Variants in CNTN4 observed in about 807,000 individuals in gnomAD.
The protein encoded by CNTN4 is contactin-4.
A neutral mutation model predicts 122.5 loss-of-function variants in CNTN4; 77 were observed. The observed-to-expected ratio is 0.63, with a 90% CI of 0.52 to 0.76. The LOEUF (loss-of-function observed/expected upper bound fraction) is 0.76, where lower values mean the gene tolerates loss of function less well. CNTN4 is among the 30% of genes least tolerant of loss of function. CNTN4 has a pLI of 0.00. For synonymous variants in CNTN4, 512 were observed against 447.0 expected (o/e 1.15, Z -1.83); for missense variants, 1,256 against 1,259.1 (o/e 1.00, Z 0.04).
intron 6 of CNTN4, among the ~76,000 whole-genome samples, chr3:2,804,151 T>C (rs1216354332): frequency 6.7e-6 from 1 of 150,344 alleles, no homozygotes; most frequent in Non-Finnish European, 1.5e-5. Context: ...TAATCAGCAG[T>C]GGGGGTATAG....
At chr3:2,442,823 T>G (rs2151295419) in intron 3 of CNTN4, among the ~76,000 whole-genome samples, 1 of 152,304 alleles carries the variant, frequency 6.6e-6, no homozygotes, top group South Asian at 2.1e-4. Flanking sequence ...TTTGAAATGG[T>G]TAATGAGAGT....
intron 13 of CNTN4, among the ~76,000 whole-genome samples, chr3:2,938,917 A>T (rs2094588545): frequency 6.6e-6 from 1 of 152,200 alleles, no homozygotes; most frequent in Non-Finnish European, 1.5e-5. Flanking sequence ...ATTAAGAGCA[A>T]TTAGAACTGA....
At chr3:3,033,748 T>G (rs1699375956) in intron 16 of CNTN4, among the ~76,000 whole-genome samples, 1 of 152,204 alleles carries the variant, frequency 6.6e-6, no homozygotes, top group South Asian at 2.1e-4. Context: ...GTGGGATAGC[T>G]GCGGGTCTTT....
intron 14 of CNTN4, among the ~76,000 whole-genome samples, chr3:3,007,442 C>G (rs1350735826): frequency 6.6e-6 from 1 of 152,192 alleles, no homozygotes; most frequent in East Asian, 1.9e-4. Flanking sequence ...AGATGTATAT[C>G]AGATCATTTT....
At chr3:3,009,486 T>G (rs140385591) in intron 14 of CNTN4, among the ~76,000 whole-genome samples, 4,867 of 151,830 alleles carry the variant, frequency 0.032, 127 homozygotes, top group South Asian at 0.1. Flanking sequence ...CAGGCTGGAG[T>G]GCAGTGGCGC....
In CNTN4 at chr3:2,934,180, A is replaced by C. The variant is rs1158050141; in HGVS notation, c.1358+8401A>C. ...TGGACCAGTTTTGAAGACACAATAAAATTGTATAAACATCCATATTCTTAG... is the reference window on the plus strand; with the variant it reads ...TGGACCAGTTTTGAAGACACAATAACATTGTATAAACATCCATATTCTTAG... On this transcript the variant is annotated intron_variant, in intron 13 of 24. Transcript: ENST00000418658. 1.3e-5 allele frequency among the ~76,000 whole-genome samples: 2 copies of C among 152,316 alleles called. 1 individual carries two copies. Among genetic ancestry groups the C allele is most frequent in the Middle Eastern group, 6.8e-3 (2 of 294 alleles).
At chr3:2,370,799 G>A (rs1338952206) in intron 3 of CNTN4, among the ~76,000 whole-genome samples, 1 of 152,038 alleles carries the variant, frequency 6.6e-6, no homozygotes. Flanking sequence ...TCAACCAGAA[G>A]GTGAATATAT....
At chr3:2,981,632 G>T (rs1399003777) in intron 13 of CNTN4, among the ~76,000 whole-genome samples, 3 of 152,208 alleles carry the variant, frequency 2.0e-5, no homozygotes, top group East Asian at 1.9e-4. Context: ...CAAATGGAAA[G>T]GAAGAAAATA....
intron 2 of CNTN4, among the ~76,000 whole-genome samples, chr3:2,297,845 C>G (rs367677937): frequency 5.3e-5 from 8 of 152,284 alleles, no homozygotes; most frequent in African/African-American, 1.9e-4. Flanking sequence ...GTCCTCCCAT[C>G]TCAGCCTCCT....
chr3:3,037,690 G>C (rs1263984974), intron 18 of CNTN4: 2 of 343,106 alleles, frequency 5.8e-6, no homozygotes, highest in Admixed American at 8.1e-5. Flanking sequence ...TAATGGCAAA[G>C]AATAATTTGT....
At chr3:2,393,069 G>C (rs1398081464) in intron 3 of CNTN4, among the ~76,000 whole-genome samples, 7 of 152,242 alleles carry the variant, frequency 4.6e-5, no homozygotes, top group African/African-American at 1.4e-4. Context: ...TTACTTCTGA[G>C]AGCTGTGAGC....
intron 4 of CNTN4, among the ~76,000 whole-genome samples, chr3:2,580,342 T>A (rs1376955949): frequency 1.3e-5 from 2 of 151,808 alleles, no homozygotes; most frequent in Non-Finnish European, 2.9e-5. Context: ...GCTGAGGAGG[T>A]GTCTATAATG....
intron 2 of CNTN4, among the ~76,000 whole-genome samples, chr3:2,309,315 T>C (rs755276478): frequency 5.9e-5 from 9 of 152,184 alleles, no homozygotes; most frequent in Admixed American, 1.3e-4. Flanking sequence ...TCCTTTTCTG[T>C]CTTTTAACTT....
At chr3:2,346,318 A>C (rs1172928948) in intron 3 of CNTN4, among the ~76,000 whole-genome samples, 1 of 152,052 alleles carries the variant, frequency 6.6e-6, no homozygotes, top group Non-Finnish European at 1.5e-5. Context: ...AAATTGTATC[A>C]CTCAAAGTTC....
At chr3:2,382,175 T>C (rs1456724855) in intron 3 of CNTN4, among the ~76,000 whole-genome samples, 1 of 151,722 alleles carries the variant, frequency 6.6e-6, no homozygotes, top group Non-Finnish European at 1.5e-5. Context: ...ATCGTGATTT[T>C]TTTTTTTTTT....
At chr3:2,499,919 A>G (rs2076551312) in intron 3 of CNTN4, among the ~76,000 whole-genome samples, 1 of 151,980 alleles carries the variant, frequency 6.6e-6, no homozygotes, top group Admixed American at 6.5e-5. Flanking sequence ...ATTGTCATTT[A>G]GTTATTTTCA....
Position 2,394,784 on chromosome 3 carries a change from GTTT to G in CNTN4, c.-89+55571_-89+55573del, listed in dbSNP as rs56027529. Among the ~76,000 whole-genome samples the G allele has an allele frequency of 5.1e-3, 555 of 108,506 alleles. 5 individuals are homozygous for G. Among genetic ancestry groups the G allele is most frequent in the African/African-American group, 0.017 (510 of 29,880 alleles). 71.2% of individuals were successfully genotyped at this position (108,506 alleles called of 152,430 possible). A position where few individuals can be genotyped will look rare whatever the true frequency, so the allele number is the denominator to read the frequency against. On this transcript the variant is annotated intron_variant, in intron 3 of 24. Transcript: ENST00000418658. ...CATGTCTACAACAAACCTTATATTA[GTTT>G]TTTTTTTTTTTTTTTTTTTGAGACA...
chr3:3,009,839 G>A (rs1355968767), intron 14 of CNTN4, among the ~76,000 whole-genome samples: 1 of 152,170 alleles, frequency 6.6e-6, no homozygotes, highest in African/African-American at 2.4e-5. Flanking sequence ...GCACGAAAAA[G>A]CCTATGTGAA....
chr3:2,585,024 T>G (rs1576102503), intron 4 of CNTN4, among the ~76,000 whole-genome samples: 2 of 152,306 alleles, frequency 1.3e-5, no homozygotes, highest in African/African-American at 4.8e-5. Flanking sequence ...TTGAACTAGA[T>G]AATTTTAAAA....
Sources: allele counts gnomAD v4.1 joint callset (sites outside exome capture counted in the v4.1 genomes callset), GRCh38; gene constraint gnomAD v4.1.1; transcripts MANE v1.5; gene names NCBI Gene and HGNC (gene_info 2026-07-23, HGNC 2026-07-21).